Variants in CNTN4 observed in about 807,000 individuals in gnomAD.
CNTN4 encodes the protein contactin 4.
A neutral mutation model predicts 122.5 loss-of-function variants in CNTN4; 77 were observed. The observed-to-expected ratio is 0.63, with a 90% confidence interval of 0.52 to 0.76. The LOEUF (loss-of-function observed/expected upper bound fraction) is 0.76. Among genes scored for constraint, CNTN4 ranks in the 30% least tolerant of loss-of-function variants. The pLI is 0.00. For synonymous variants in CNTN4, 512 were observed against 447.0 expected, an observed-to-expected ratio of 1.15 and a Z score of -1.83; for missense variants, 1,256 against 1,259.1, an observed-to-expected ratio of 1.00 and a Z score of 0.04.
At chr3:2,229,051 G>A (rs1396226129) in intron 2 of CNTN4, among the ~76,000 whole-genome samples, 1 of 152,120 alleles carries the variant, frequency 6.6e-6, no homozygotes, top group Non-Finnish European at 1.5e-5. Flanking sequence ...TAATGCATTA[G>A]CCTTGTAGAA....
chr3:2,445,583 C>A (rs1340960407), intron 3 of CNTN4, among the ~76,000 whole-genome samples: 1 of 152,018 alleles, frequency 6.6e-6, no homozygotes, highest in Non-Finnish European at 1.5e-5. Flanking sequence ...CTTGAATTAT[C>A]CCTAAAAATT....
intron 2 of CNTN4, among the ~76,000 whole-genome samples, chr3:2,118,882 T>C (rs1413660376): frequency 6.6e-6 from 1 of 152,242 alleles, no homozygotes; most frequent in Non-Finnish European, 1.5e-5. Flanking sequence ...AAGTTTTCAG[T>C]TGCATGTCTT....
At chr3:2,489,980 T>C (rs1305636964) in intron 3 of CNTN4, among the ~76,000 whole-genome samples, 2 of 151,892 alleles carry the variant, frequency 1.3e-5, no homozygotes, top group African/African-American at 4.8e-5. Context: ...AATAACCAAA[T>C]TGTAAATAGG....
chr3:2,488,998 A>G (rs924177931), intron 3 of CNTN4, among the ~76,000 whole-genome samples: 5 of 152,248 alleles, frequency 3.3e-5, no homozygotes, highest in Non-Finnish European at 7.3e-5. Flanking sequence ...ATCACTCTAC[A>G]GAAACATGCT....
intron 14 of CNTN4, among the ~76,000 whole-genome samples, chr3:3,007,394 C>G (rs960480347): frequency 6.6e-6 from 1 of 152,194 alleles, no homozygotes; most frequent in East Asian, 1.9e-4. Flanking sequence ...AGATTACCAT[C>G]ATTTCTATAA....
intron 12 of CNTN4, among the ~76,000 whole-genome samples, chr3:2,903,713 C>T (rs1205609875): frequency 6.6e-6 from 1 of 152,180 alleles, no homozygotes; most frequent in Non-Finnish European, 1.5e-5. Flanking sequence ...TTTACCTCTC[C>T]TTTATGAAAG....
chr3:2,184,756 G>C (rs1353955937), intron 2 of CNTN4, among the ~76,000 whole-genome samples: 1 of 152,116 alleles, frequency 6.6e-6, no homozygotes, highest in Non-Finnish European at 1.5e-5. Flanking sequence ...TGGACACAGA[G>C]AGCTGCCTTC....
intron 2 of CNTN4, among the ~76,000 whole-genome samples, chr3:2,184,469 G>A (rs565029806): frequency 9.9e-5 from 15 of 152,264 alleles, no homozygotes; most frequent in African/African-American, 3.4e-4. Context: ...GGGAAGTATG[G>A]AAGGAGGATG....
chr3:2,142,623 G>A (rs1437565649), intron 2 of CNTN4, among the ~76,000 whole-genome samples: 2 of 152,138 alleles, frequency 1.3e-5, no homozygotes, highest in African/African-American at 2.4e-5. Context: ...GATTAGAGGC[G>A]CAAGCCACTG....
chr3:2,371,678 T>G (rs1460795997), intron 3 of CNTN4, among the ~76,000 whole-genome samples: 1 of 152,238 alleles, frequency 6.6e-6, no homozygotes, highest in Non-Finnish European at 1.5e-5. Context: ...ATATCCCCAG[T>G]GCCTTTCACT....
At chr3:2,408,984 G>T (rs1021840082) in intron 3 of CNTN4, among the ~76,000 whole-genome samples, 9 of 152,114 alleles carry the variant, frequency 5.9e-5, no homozygotes, top group Admixed American at 1.3e-4. Flanking sequence ...TTGTATGAAA[G>T]AAATCTGCTT....
At chr3:2,317,382 C>G (rs1226506320) in intron 2 of CNTN4, among the ~76,000 whole-genome samples, 2 of 152,146 alleles carry the variant, frequency 1.3e-5, no homozygotes, top group African/African-American at 4.8e-5. Context: ...GAGGATTCAT[C>G]AAAATAATAA....
intron 3 of CNTN4, among the ~76,000 whole-genome samples, chr3:2,463,939 G>A (rs1367405111): frequency 6.6e-6 from 1 of 152,066 alleles, no homozygotes; most frequent in Non-Finnish European, 1.5e-5. Context: ...CAGAACAAGT[G>A]TGTTAGGCTT....
In CNTN4 at chr3:3,056,438, A is replaced by T; in HGVS notation, c.*218A>T. ...TTGGAAACTCTGCAATGCACTGAAGACATCTGTAATATGATGTTACCAAAG... is the reference window on the plus strand; with the variant it reads ...TTGGAAACTCTGCAATGCACTGAAGTCATCTGTAATATGATGTTACCAAAG... On this transcript the variant is annotated 3_prime_UTR_variant, in exon 25 of 25. Coordinates refer to ENST00000418658, the MANE Select transcript of CNTN4 (RefSeq NM_175607.3). 1 of 508,456 alleles carries T rather than the reference A, an allele frequency of 2.0e-6. No homozygotes were observed. Among genetic ancestry groups the T allele is most frequent in the South Asian group, 2.2e-5 (1 of 44,486 alleles). The allele number at this position is 508,456 out of a possible 1,614,324, so 31.5% of individuals were successfully genotyped here.
chr3:3,025,052 A>G (rs753783716), intron 14 of CNTN4, among the ~76,000 whole-genome samples: 2 of 152,174 alleles, frequency 1.3e-5, no homozygotes, highest in Non-Finnish European at 2.9e-5. Context: ...TTTATTCTTT[A>G]GGCATGTATG....
intron 3 of CNTN4, among the ~76,000 whole-genome samples, chr3:2,516,632 A>G (rs987611579): frequency 2.0e-5 from 3 of 152,088 alleles, no homozygotes; most frequent in African/African-American, 7.2e-5. Context: ...CTCTATTCCA[A>G]AGTAAGAAGG....
intron 3 of CNTN4, among the ~76,000 whole-genome samples, chr3:2,396,296 A>AT (rs1473161107): frequency 8.5e-5 from 13 of 152,182 alleles, no homozygotes; most frequent in Admixed American, 2.0e-4. Context: ...AAGTGCTGGG[A>AT]TTACAGGCAT....
chr3:2,776,776 G>C lies in CNTN4; in HGVS notation c.358+31079G>C, dbSNP rs559301010. Among the ~76,000 whole-genome samples, 11 of 152,228 alleles carry C rather than the reference G, an allele frequency of 7.2e-5. No individual in the cohort carries two copies. The South Asian group carries it at 2.3e-3, about 32-fold the overall frequency. On this transcript the variant is annotated intron_variant, in intron 6 of 24. Coordinates refer to ENST00000418658, the MANE Select transcript of CNTN4 (RefSeq NM_175607.3). ...AACTGCACTAAATTTTATGTAATAA[G>C]TTTTTGCTGAGCCCGTAGAGTACAA...
intron 14 of CNTN4, among the ~76,000 whole-genome samples, chr3:3,009,904 G>GA (rs754056731): frequency 4.6e-5 from 7 of 151,214 alleles, no homozygotes; most frequent in Non-Finnish European, 7.4e-5. Context: ...TTTCCTTGTG[G>GA]AACTCCCCAT....
Sources: allele counts gnomAD v4.1 joint callset (sites outside exome capture counted in the v4.1 genomes callset), GRCh38; gene constraint gnomAD v4.1.1; transcripts MANE v1.5; gene names NCBI Gene and HGNC (gene_info 2026-07-23, HGNC 2026-07-21).